The following FRMD6 variants were observed in gnomAD, a reference collection of about 807,000 sequenced individuals.
FRMD6 encodes FERM domain containing 6, also known as FERM domain-containing protein 6.
Under a neutral mutation model 73.2 loss-of-function variants are expected in FRMD6, and 37 were observed. The observed-to-expected ratio is 0.51, with a 90% CI of 0.39 to 0.66. The LOEUF is 0.66. Among genes scored for constraint, FRMD6 ranks in the 30% least tolerant of loss-of-function variants. FRMD6 has a pLI of 0.00. For synonymous variants in FRMD6, 273 were observed against 282.2 expected (o/e 0.97, Z 0.33); for missense variants, 714 against 780.5 (o/e 0.91, Z 1.02).
At chr14:51,502,379 G>A (rs111839790) in intron 1 of FRMD6, among the ~76,000 whole-genome samples, 17,828 of 152,164 alleles carry the variant, frequency 0.12, 1,259 homozygotes, top group Non-Finnish European at 0.16. Context: ...TTTTGTATAT[G>A]GTGTAAGGAA....
chr14:51,415,271 A>G, the FRMD6 span, among the ~76,000 whole-genome samples: 1 of 152,194 alleles, frequency 6.6e-6, no homozygotes, highest in African/African-American at 2.4e-5. Context: ...CCATTCATTC[A>G]GTATGATATT....
chr14:51,416,225 G>T, the FRMD6 span, among the ~76,000 whole-genome samples: 1 of 152,114 alleles, frequency 6.6e-6, no homozygotes, highest in Non-Finnish European at 1.5e-5. Flanking sequence ...TGCTTCTCTA[G>T]TTCTTTTAAT....
At chr14:51,560,290 G>A (rs779939132) in intron 1 of FRMD6, among the ~76,000 whole-genome samples, 8 of 152,130 alleles carry the variant, frequency 5.3e-5, no homozygotes, top group East Asian at 1.9e-4. Context: ...TGAAAAATTC[G>A]TAAAATAAAA....
the FRMD6 span, among the ~76,000 whole-genome samples, chr14:51,446,628 A>T: frequency 6.6e-6 from 1 of 152,242 alleles, no homozygotes; most frequent in Non-Finnish European, 1.5e-5. Flanking sequence ...TCCATCATGT[A>T]GCCACTAGTA....
the FRMD6 span, among the ~76,000 whole-genome samples, chr14:51,410,533 A>C: frequency 6.6e-6 from 1 of 152,266 alleles, no homozygotes; most frequent in East Asian, 1.9e-4. Flanking sequence ...GTCAAAAGCC[A>C]TGCATATTTT....
intron 1 of FRMD6, among the ~76,000 whole-genome samples, chr14:51,553,735 T>C (rs180775503): frequency 2.2e-4 from 33 of 152,294 alleles, no homozygotes; most frequent in African/African-American, 7.5e-4. Context: ...TTCTGGTGGC[T>C]TTTTCTAACG....
At chr14:51,598,789 A>G (rs1364720091) in intron 2 of FRMD6, among the ~76,000 whole-genome samples, 1 of 152,064 alleles carries the variant, frequency 6.6e-6, no homozygotes, top group Non-Finnish European at 1.5e-5. Context: ...TCTTTATCCA[A>G]TCCACTGCTG....
Position 51,679,649 on chromosome 14 carries a change from TC to T in FRMD6, c.-146-10041del, listed in dbSNP as rs574650470. Among the ~76,000 whole-genome samples, 5 of 151,120 alleles carry T rather than the reference TC, an allele frequency of 3.3e-5. No individual in the cohort carries two copies. In the South Asian group the frequency reaches 1.0e-3, roughly 31 times the overall value. On this transcript the variant is annotated intron_variant, in intron 1 of 13. Transcript: ENST00000344768. ...ATACTAATATTACTTAAGTGAAAGA[TC>T]TTTTAATTTCCCTTGAGATATTATT...
intron 1 of FRMD6, among the ~76,000 whole-genome samples, chr14:51,685,544 C>T (rs764135321): frequency 2.6e-5 from 4 of 152,170 alleles, no homozygotes; most frequent in South Asian, 2.1e-4. Context: ...ACTCATTTTA[C>T]TAAAGACATT....
chr14:51,495,573 A>G (rs957985768), intron 1 of FRMD6, among the ~76,000 whole-genome samples: 7 of 152,232 alleles, frequency 4.6e-5, no homozygotes, highest in African/African-American at 1.7e-4. Context: ...CCTGTTCTTT[A>G]TTAAGTTGAA....
intron 1 of FRMD6, among the ~76,000 whole-genome samples, chr14:51,525,633 A>G (rs1387696311): frequency 1.3e-5 from 2 of 152,064 alleles, no homozygotes; most frequent in African/African-American, 4.8e-5. Flanking sequence ...TCACTGCTTA[A>G]TTTGAATCCC....
At chr14:51,555,665 G>A (rs1264028407) in intron 1 of FRMD6, among the ~76,000 whole-genome samples, 2 of 152,100 alleles carry the variant, frequency 1.3e-5, no homozygotes, top group Non-Finnish European at 2.9e-5. Flanking sequence ...AGCTGAGCAT[G>A]GTGGCATATG....
chr14:51,638,357 A>G (rs1460916537), intron 2 of FRMD6, among the ~76,000 whole-genome samples: 7 of 152,150 alleles, frequency 4.6e-5, no homozygotes, highest in African/African-American at 1.7e-4. Context: ...CCAATCCCCA[A>G]TGCCAGTGCA....
At chr14:51,465,770 G>C in the FRMD6 span, among the ~76,000 whole-genome samples, 1 of 152,016 alleles carries the variant, frequency 6.6e-6, no homozygotes, top group Non-Finnish European at 1.5e-5. Flanking sequence ...ACATGTGCAA[G>C]TCTTTGTGCA....
the FRMD6 span, among the ~76,000 whole-genome samples, chr14:51,451,915 A>T: frequency 6.6e-6 from 1 of 152,212 alleles, no homozygotes; most frequent in Non-Finnish European, 1.5e-5. Context: ...GTATCCCTTT[A>T]TAGCAATGCA....
At chr14:51,701,013 A>T in intron 3 of FRMD6, 43 bp from the exon 4 acceptor site, 1 of 994,362 alleles carries the variant, frequency 1.0e-6, no homozygotes, top group South Asian at 2.0e-5. Flanking sequence ...TTCTTTTAAA[A>T]ATCCTTTCTT....
chr14:51,656,035 G>A (rs1487187152), intron 1 of FRMD6, among the ~76,000 whole-genome samples: 2 of 152,170 alleles, frequency 1.3e-5, no homozygotes, highest in East Asian at 3.8e-4. Flanking sequence ...CATGCTGTGG[G>A]ACCAGAGGGG....
intron 7 of FRMD6, among the ~76,000 whole-genome samples, chr14:51,710,654 C>T (rs368184366): frequency 2.6e-5 from 4 of 152,062 alleles, no homozygotes; most frequent in Non-Finnish European, 5.9e-5. Flanking sequence ...TATTTCATCC[C>T]ATGTTCATGG....
intron 1 of FRMD6, among the ~76,000 whole-genome samples, chr14:51,562,230 T>A (rs1340643308): frequency 6.6e-6 from 1 of 152,236 alleles, no homozygotes; most frequent in Non-Finnish European, 1.5e-5. Context: ...CTTGCTTTCT[T>A]AATCAGAATT....
Sources: gnomAD v4.1 joint callset for allele counts (sites outside exome capture counted in the v4.1 genomes callset) on GRCh38, gnomAD v4.1.1 for gene constraint, MANE v1.5 for transcripts, NCBI Gene and HGNC (gene_info 2026-07-23, HGNC 2026-07-21) for gene names.